Variants in PVT1 observed in about 807,000 individuals in gnomAD.
PVT1 encodes CXCR4/PVT1 fusion.
intron 2 of PVT1, among the ~76,000 whole-genome samples, chr8:127,855,542 A>G (rs1815151557): frequency 6.6e-6 from 1 of 152,134 alleles, no homozygotes; most frequent in Non-Finnish European, 1.5e-5. Context: ...CAGTGTTTCT[A>G]AAGTGTAGCC....
At chr8:127,950,932 G>C (rs1008148720) in intron 3 of PVT1, among the ~76,000 whole-genome samples, 1 of 152,208 alleles carries the variant, frequency 6.6e-6, no homozygotes, top group African/African-American at 2.4e-5. Context: ...GAGTCCTGCT[G>C]TGTGGCCCAG....
At position 127,853,986 on chromosome 8, in the gene PVT1, C is replaced by T. The variant is rs544489385; in HGVS notation, n.373-36603C>T. On this transcript the variant is annotated intron_variant and non_coding_transcript_variant, in intron 2 of 10. Transcript: ENST00000651587. Reference sequence around the variant, plus strand: ...CTTTCTGTACGGCGTTTTCTCTTCCCGGCTCCTCTGCCCCCAGCCCCACGT... The same window carrying T: ...CTTTCTGTACGGCGTTTTCTCTTCCTGGCTCCTCTGCCCCCAGCCCCACGT... Among the ~76,000 whole-genome samples, 38 of 152,272 alleles carry T rather than the reference C, an allele frequency of 2.5e-4. 1 individual carries two copies. Among genetic ancestry groups the T allele is most frequent in the Non-Finnish European group, 1.0e-4 (7 of 68,012 alleles).
At chr8:128,018,116 TC>T (rs1408591460) in intron 4 of PVT1, among the ~76,000 whole-genome samples, 5 of 152,172 alleles carry the variant, frequency 3.3e-5, no homozygotes, top group African/African-American at 1.2e-4. Context: ...TGGAAGGCCC[TC>T]CAGCACGTGC....
At chr8:127,840,253 T>C (rs767660137) in intron 2 of PVT1, among the ~76,000 whole-genome samples, 49 of 152,188 alleles carry the variant, frequency 3.2e-4, no homozygotes, top group Non-Finnish European at 6.2e-4. Context: ...ATGCTAGGTG[T>C]GAACAGTCAC....
chr8:127,918,735 C>T (rs576120390), intron 3 of PVT1, among the ~76,000 whole-genome samples: 1 of 152,312 alleles, frequency 6.6e-6, no homozygotes, highest in Admixed American at 6.5e-5. Context: ...AACAAAGGGT[C>T]AGGTTAGGTT....
At chr8:127,913,646 G>T (rs771657142) in intron 3 of PVT1, among the ~76,000 whole-genome samples, 1 of 152,098 alleles carries the variant, frequency 6.6e-6, no homozygotes, top group Non-Finnish European at 1.5e-5. Flanking sequence ...CCTGTGCTCA[G>T]CCTCTCCCCG....
intron 2 of PVT1, among the ~76,000 whole-genome samples, chr8:127,879,140 ATC>A (rs2129782895): frequency 2.0e-5 from 3 of 152,352 alleles, no homozygotes; most frequent in African/African-American, 7.2e-5. Context: ...TGCCATTCCC[ATC>A]TCTTTCTTTT....
At chr8:127,941,133 C>T (rs1307798034) in intron 3 of PVT1, among the ~76,000 whole-genome samples, 1 of 152,230 alleles carries the variant, frequency 6.6e-6, no homozygotes, top group Admixed American at 6.5e-5. Context: ...TTGTGGCCTC[C>T]TCTCTCCATT....
chr8:128,070,443 C>T (rs1257787984), intron 5 of PVT1: 1 of 152,236 alleles, frequency 6.6e-6, no homozygotes, highest in East Asian at 1.9e-4. Context: ...GTTTACACTT[C>T]CACAGGCAGT....
chr8:127,871,497 C>T (rs1815351243), intron 2 of PVT1, among the ~76,000 whole-genome samples: 1 of 152,190 alleles, frequency 6.6e-6, no homozygotes, highest in African/African-American at 2.4e-5. Flanking sequence ...ATGCGCTGGA[C>T]TCCCAGTGTC....
At chr8:127,827,607 A>G (rs1019121942) in intron 2 of PVT1, among the ~76,000 whole-genome samples, 2 of 152,054 alleles carry the variant, frequency 1.3e-5, no homozygotes, top group Non-Finnish European at 2.9e-5. Context: ...GCCTGTTCCA[A>G]GAACTCCAGG....
At chr8:128,011,204 A>G (rs909175307) in intron 4 of PVT1, among the ~76,000 whole-genome samples, 2 of 152,168 alleles carry the variant, frequency 1.3e-5, no homozygotes, top group African/African-American at 2.4e-5. Context: ...TTTTGTAAGC[A>G]TGGTGGGTAC....
intron 3 of PVT1, among the ~76,000 whole-genome samples, chr8:127,977,942 A>C (rs1816839533): frequency 1.3e-5 from 2 of 152,202 alleles, no homozygotes; most frequent in African/African-American, 4.8e-5. Context: ...GTTAGGTGAC[A>C]GCATGCTTCC....
chr8:127,938,846 A>G (rs1315653924), intron 3 of PVT1, among the ~76,000 whole-genome samples: 1 of 152,190 alleles, frequency 6.6e-6, no homozygotes, highest in Non-Finnish European at 1.5e-5. Flanking sequence ...CGTGTGGCGG[A>G]ATGCATGCTC....
intron 2 of PVT1, among the ~76,000 whole-genome samples, chr8:127,836,119 G>A (rs1226220265): frequency 1.3e-5 from 2 of 151,972 alleles, no homozygotes; most frequent in African/African-American, 2.4e-5. Context: ...TCTCATCACT[G>A]GATGCTGCTG....
chr8:127,934,956 C>T (rs566873300), intron 3 of PVT1, among the ~76,000 whole-genome samples: 7 of 152,188 alleles, frequency 4.6e-5, no homozygotes, highest in African/African-American at 1.7e-4. Context: ...GTTATCCAAC[C>T]AGGCCCTCTC....
At chr8:128,007,018 G>A (rs1586478405) in intron 4 of PVT1, among the ~76,000 whole-genome samples, 1 of 152,282 alleles carries the variant, frequency 6.6e-6, no homozygotes, top group South Asian at 2.1e-4. Context: ...TTAACAAGGA[G>A]GAAATATCAG....
intron 3 of PVT1, chr8:127,946,879 C>G (rs1816427227): frequency 6.5e-6 from 1 of 152,780 alleles, no homozygotes; most frequent in African/African-American, 2.4e-5. Flanking sequence ...CCTCCCTCCT[C>G]CCTTCCCTTC....
chr8:127,864,505 C>A (rs1815265184), intron 2 of PVT1, among the ~76,000 whole-genome samples: 1 of 152,132 alleles, frequency 6.6e-6, no homozygotes, highest in South Asian at 2.1e-4. Context: ...TTATTCTTTT[C>A]CTGTTGCTTT....
Sources: allele counts gnomAD v4.1 joint callset (sites outside exome capture counted in the v4.1 genomes callset), GRCh38; gene constraint gnomAD v4.1.1; transcripts MANE v1.5; gene names NCBI Gene and HGNC (gene_info 2026-07-23, HGNC 2026-07-21).